The following SPAG16 variants were observed in gnomAD, a reference collection of about 807,000 sequenced individuals.
SPAG16 encodes sperm associated antigen 16, also known as sperm-associated antigen 16 protein.
In SPAG16, 86 loss-of-function variants were observed where a neutral mutation model predicts 80.4. The ratio of observed to expected loss-of-function variants is 1.07; its 90% CI spans 0.90 to 1.28. The LOEUF is 1.28. Ranked by LOEUF, SPAG16 falls within the 50% of genes most tolerant of loss-of-function variation. SPAG16 has a pLI of 0.00. For missense variants in SPAG16, 870 were observed against 765.3 expected (o/e 1.14, Z -1.61); for synonymous variants, 294 against 265.9 (o/e 1.11, Z -1.03).
intron 10 of SPAG16, among the ~76,000 whole-genome samples, chr2:213,656,368 C>T (rs1296033114): frequency 1.3e-5 from 2 of 152,168 alleles, no homozygotes. Flanking sequence ...GACGGGGTTT[C>T]ACCGTGTTAG....
intron 9 of SPAG16, among the ~76,000 whole-genome samples, chr2:213,483,326 A>C (rs556464053): frequency 2.6e-5 from 4 of 152,310 alleles, no homozygotes; most frequent in African/African-American, 9.6e-5. Context: ...AATGGACTTA[A>C]TTATGGAAGG....
chr2:213,845,259 A>T (rs1005974481), intron 10 of SPAG16, among the ~76,000 whole-genome samples: 1 of 149,834 alleles, frequency 6.7e-6, no homozygotes, highest in African/African-American at 2.5e-5. Context: ...GTGCAGTGGC[A>T]CAGTCTCGGC....
intron 15 of SPAG16, among the ~76,000 whole-genome samples, chr2:214,337,250 G>A (rs1697364455): frequency 6.6e-6 from 1 of 152,084 alleles, no homozygotes; most frequent in South Asian, 2.1e-4. Context: ...AAAAGAGAAG[G>A]TTTAGGAAGC....
At chr2:213,764,193 G>GT (rs980198034) in intron 10 of SPAG16, among the ~76,000 whole-genome samples, 8 of 151,390 alleles carry the variant, frequency 5.3e-5, no homozygotes, top group African/African-American at 4.9e-5. Flanking sequence ...TGATGACTAA[G>GT]TTTTTTTTTC....
intron 1 of SPAG16, among the ~76,000 whole-genome samples, chr2:213,287,828 T>G (rs1322608405): frequency 6.6e-6 from 1 of 152,200 alleles, no homozygotes; most frequent in African/African-American, 2.4e-5. Flanking sequence ...GATGCCCTTA[T>G]CTGAGATACT....
At chr2:214,324,580 G>A (rs1042893471) in intron 15 of SPAG16, among the ~76,000 whole-genome samples, 1 of 152,162 alleles carries the variant, frequency 6.6e-6, no homozygotes, top group Non-Finnish European at 1.5e-5. Context: ...ATGATGAAGA[G>A]CCTATCAAAT....
chr2:214,377,486 C>G (rs1412843373), intron 15 of SPAG16, among the ~76,000 whole-genome samples: 1 of 152,138 alleles, frequency 6.6e-6, no homozygotes. Context: ...CAGTACAGTA[C>G]AGTGAAGGTA....
intron 10 of SPAG16, among the ~76,000 whole-genome samples, chr2:213,736,958 G>A (rs987019344): frequency 1.3e-5 from 2 of 151,716 alleles, no homozygotes; most frequent in South Asian, 2.1e-4. Context: ...TGCCCACCTC[G>A]GCCCCCCAAA....
chr2:213,317,465 A>G, intron 5 of SPAG16, 109 bp downstream of exon 5: 2 of 1,360,972 alleles, frequency 1.5e-6, no homozygotes, highest in South Asian at 4.1e-5. Flanking sequence ...TTGAAAACTG[A>G]ATTTTTCTAG....
chr2:213,888,281 A>T (rs1409105567), intron 11 of SPAG16, among the ~76,000 whole-genome samples: 2 of 151,866 alleles, frequency 1.3e-5, no homozygotes, highest in Non-Finnish European at 3.0e-5. Flanking sequence ...TTTATAAGTT[A>T]TATTTTCTGA....
chr2:213,788,584 T>C (rs1161743845), intron 10 of SPAG16, among the ~76,000 whole-genome samples: 1 of 151,938 alleles, frequency 6.6e-6, no homozygotes, highest in Non-Finnish European at 1.5e-5. Flanking sequence ...TCCACAGTGT[T>C]TTTCCTTTTA....
intron 10 of SPAG16, among the ~76,000 whole-genome samples, chr2:213,704,771 G>A (rs6749651): frequency 0.42 from 63,660 of 151,948 alleles, 14,228 homozygotes; most frequent in African/African-American, 0.57. Flanking sequence ...TTTGGGCATT[G>A]AAGAGTTATT....
chr2:213,591,745 C>T (rs576075437), intron 10 of SPAG16, among the ~76,000 whole-genome samples: 1 of 152,140 alleles, frequency 6.6e-6, no homozygotes, highest in Admixed American at 6.5e-5. Flanking sequence ...TGGAAAATTG[C>T]TAAGAAGAAA....
At chr2:213,590,937 G>A (rs1041482957) in intron 10 of SPAG16, among the ~76,000 whole-genome samples, 1 of 83,084 alleles carries the variant, frequency 1.2e-5, no homozygotes, top group South Asian at 3.6e-4. Context: ...AAGAAAATAT[G>A]TTATCTATAC....
chr2:213,869,184 C>G (rs1322746996), intron 11 of SPAG16, among the ~76,000 whole-genome samples: 1 of 147,216 alleles, frequency 6.8e-6, no homozygotes, highest in African/African-American at 2.5e-5. Flanking sequence ...ACCCGGGAGG[C>G]GGAGGTTGCA....
chr2:213,577,970 T>G (rs1248496520), intron 10 of SPAG16, among the ~76,000 whole-genome samples: 1 of 152,052 alleles, frequency 6.6e-6, no homozygotes, highest in Non-Finnish European at 1.5e-5. Flanking sequence ...TTGCATTCGA[T>G]TTTTGCTCTG....
At chr2:214,084,401 A>G (rs2051583639) in intron 13 of SPAG16, among the ~76,000 whole-genome samples, 1 of 151,948 alleles carries the variant, frequency 6.6e-6, no homozygotes, top group Non-Finnish European at 1.5e-5. Flanking sequence ...TGAAAAAAAA[A>G]TCATCTAGAT....
At chr2:214,191,451 T>C (rs1256920731) in intron 15 of SPAG16, among the ~76,000 whole-genome samples, 1 of 151,744 alleles carries the variant, frequency 6.6e-6, no homozygotes, top group Non-Finnish European at 1.5e-5. Flanking sequence ...GGTGGCTCAC[T>C]CCTGTAATCC....
At chr2:213,868,669 T>C (rs1469352) in intron 11 of SPAG16, among the ~76,000 whole-genome samples, 90,407 of 152,044 alleles carry the variant, frequency 0.59, 28,764 homozygotes, top group South Asian at 0.85. Context: ...ATGTAACTCC[T>C]CACATATCTC....
Sources: gnomAD v4.1 joint callset for allele counts (sites outside exome capture counted in the v4.1 genomes callset) on GRCh38, gnomAD v4.1.1 for gene constraint, MANE v1.5 for transcripts, NCBI Gene and HGNC (gene_info 2026-07-23, HGNC 2026-07-21) for gene names.